The following LRRC4C variants were observed in gnomAD, a reference collection of about 807,000 sequenced individuals.
LRRC4C encodes the protein leucine rich repeat containing 4C, also known as leucine-rich repeat-containing protein 4C.
LRRC4C carries 5 observed loss-of-function variants against 33.6 expected under a neutral mutation model. That is an observed-to-expected ratio of 0.15 (90% CI 0.08 to 0.31). The LOEUF is 0.31. Among genes scored for constraint, LRRC4C ranks in the 10% least tolerant of loss-of-function variants. The probability of loss-of-function intolerance (pLI) is 1.00; values close to 1 mark genes in which losing one functional copy is unlikely to be tolerated. For synonymous variants in LRRC4C, 329 were observed against 302.0 expected (o/e 1.09, Z -0.93); for missense variants, 560 against 796.7 (o/e 0.70, Z 3.58).
chr11:40,653,554 T>C (rs1591379044), intron 2 of LRRC4C, among the ~76,000 whole-genome samples: 1 of 152,204 alleles, frequency 6.6e-6, no homozygotes, highest in African/African-American at 2.4e-5. Flanking sequence ...AAGAGGTAAC[T>C]TGGGTTCTCT....
At chr11:40,602,413 T>C (rs1960110825) in intron 3 of LRRC4C, among the ~76,000 whole-genome samples, 1 of 152,060 alleles carries the variant, frequency 6.6e-6, no homozygotes. Context: ...ATTGTGTTTA[T>C]GAGAAAAGAA....
chr11:40,215,092 C>T (rs1401451032), intron 5 of LRRC4C, among the ~76,000 whole-genome samples: 1 of 152,172 alleles, frequency 6.6e-6, no homozygotes, highest in Admixed American at 6.6e-5. Context: ...TCCAGCAGTA[C>T]TACAACTAAT....
intron 1 of LRRC4C, among the ~76,000 whole-genome samples, chr11:41,410,559 G>A (rs1203660776): frequency 6.6e-6 from 1 of 151,834 alleles, no homozygotes; most frequent in Non-Finnish European, 1.5e-5. Context: ...TCCTGCCTCA[G>A]CCTCCCGAGT....
chr11:40,120,491 T>C (rs1041771093), intron 6 of LRRC4C, among the ~76,000 whole-genome samples: 12 of 152,116 alleles, frequency 7.9e-5, no homozygotes, highest in African/African-American at 1.9e-4. Flanking sequence ...ATGCCCTCTC[T>C]CCCTGAAACA....
intron 2 of LRRC4C, among the ~76,000 whole-genome samples, chr11:40,893,333 C>T (rs1034842995): frequency 2.6e-5 from 4 of 151,822 alleles, no homozygotes; most frequent in African/African-American, 7.3e-5. Context: ...AGGGTGACTA[C>T]AATCACCAAT....
chr11:40,377,257 C>A (rs555479282), intron 3 of LRRC4C, among the ~76,000 whole-genome samples: 240 of 152,194 alleles, frequency 1.6e-3, no homozygotes, highest in Non-Finnish European at 1.6e-3. Context: ...TCACTCTTGT[C>A]TGATATTTCT....
intron 1 of LRRC4C, among the ~76,000 whole-genome samples, chr11:41,249,127 C>T (rs563388274): frequency 4.6e-5 from 7 of 152,034 alleles, no homozygotes; most frequent in Admixed American, 1.3e-4. Context: ...CTCCACCTCC[C>T]GGATTCATGC....
intron 1 of LRRC4C, among the ~76,000 whole-genome samples, chr11:40,992,189 A>C (rs1428675569): frequency 1.3e-5 from 2 of 152,170 alleles, no homozygotes; most frequent in Non-Finnish European, 2.9e-5. Flanking sequence ...CAGATAAAAA[A>C]CATATCCGAA....
At chr11:41,115,385 CT>C (rs139129326) in intron 1 of LRRC4C, among the ~76,000 whole-genome samples, 10,347 of 145,426 alleles carry the variant, frequency 0.071, 525 homozygotes, top group East Asian at 0.19. Flanking sequence ...CTTTTTTTTT[CT>C]TTTTTTTTTA....
chr11:41,060,114 A>G (rs576767823), intron 1 of LRRC4C, among the ~76,000 whole-genome samples: 15 of 152,308 alleles, frequency 9.8e-5, no homozygotes, highest in African/African-American at 3.1e-4. Context: ...TTAAAGTTTG[A>G]GATGCCTTGT....
intron 2 of LRRC4C, among the ~76,000 whole-genome samples, chr11:40,792,308 G>A (rs891017931): frequency 1.3e-5 from 2 of 151,978 alleles, no homozygotes; most frequent in African/African-American, 4.8e-5. Flanking sequence ...TTATTTCTCG[G>A]TAGTGCTACC....
chr11:40,729,901 A>G (rs980460401), intron 2 of LRRC4C, among the ~76,000 whole-genome samples: 15 of 152,198 alleles, frequency 9.9e-5, no homozygotes, highest in African/African-American at 3.4e-4. Flanking sequence ...AACTTCAAAT[A>G]TACACCATGG....
chr11:41,147,826 G>A (rs904576615), intron 1 of LRRC4C, among the ~76,000 whole-genome samples: 6 of 152,170 alleles, frequency 3.9e-5, no homozygotes, highest in East Asian at 3.9e-4. Context: ...GGCTCGGCTC[G>A]TGTCTGTAAT....
At chr11:40,135,484 A>G (rs1263884166) in intron 6 of LRRC4C, among the ~76,000 whole-genome samples, 1 of 152,194 alleles carries the variant, frequency 6.6e-6, no homozygotes, top group African/African-American at 2.4e-5. Context: ...CCTGCAATGC[A>G]TCATTTGCAA....
At chr11:40,940,467 T>C (rs1331216755) in intron 1 of LRRC4C, among the ~76,000 whole-genome samples, 1 of 152,128 alleles carries the variant, frequency 6.6e-6, no homozygotes, top group Non-Finnish European at 1.5e-5. Flanking sequence ...TCCTCTCAAT[T>C]TTCTTGCCTA....
chr11:40,159,062 G>A (rs1436960016), intron 5 of LRRC4C, among the ~76,000 whole-genome samples: 1 of 152,118 alleles, frequency 6.6e-6, no homozygotes, highest in African/African-American at 2.4e-5. Context: ...ATACTACACT[G>A]CGAAAAAGCA....
chr11:40,566,086 G>GTTTT lies in LRRC4C; in HGVS notation c.-270+82052_-270+82055dup. Among the ~76,000 whole-genome samples, 176 of 62,740 alleles carry GTTTT rather than the reference G, an allele frequency of 2.8e-3. 1 individual carries two copies. Among genetic ancestry groups the GTTTT allele is most frequent in the Non-Finnish European group, 3.8e-3 (129 of 34,292 alleles). The allele number at this position is 62,740 out of a possible 152,430, so 41.2% of individuals were successfully genotyped here. A position where few individuals can be genotyped will look rare whatever the true frequency, so the allele number is the denominator to read the frequency against. On this transcript the variant is annotated intron_variant, in intron 3 of 6. Coordinates refer to ENST00000528697, the MANE Select transcript of LRRC4C (RefSeq NM_001258419.2). ...TAACTGCCTTTTCTATTTTTACTAA[G>GTTTT]TTTTTTTTTTTTTTTTTTTTTTTAC...
intron 2 of LRRC4C, among the ~76,000 whole-genome samples, chr11:40,910,794 T>C (rs1463045701): frequency 1.3e-5 from 2 of 152,178 alleles, no homozygotes; most frequent in Non-Finnish European, 2.9e-5. Flanking sequence ...TTCCCTTTCC[T>C]AGCCAAGGAA....
chr11:40,250,183 C>T (rs1866673145), intron 4 of LRRC4C, among the ~76,000 whole-genome samples: 1 of 152,138 alleles, frequency 6.6e-6, no homozygotes, highest in South Asian at 2.1e-4. Context: ...ACAAAAGACC[C>T]CATGACTGTT....
Sources: allele counts gnomAD v4.1 joint callset (sites outside exome capture counted in the v4.1 genomes callset), GRCh38; gene constraint gnomAD v4.1.1; transcripts MANE v1.5; gene names NCBI Gene and HGNC (gene_info 2026-07-23, HGNC 2026-07-21).